NCOR1: variants seen among roughly 807,000 people sequenced by gnomAD.
NCOR1 encodes protein phosphatase 1, regulatory subunit 109.
In NCOR1, 63 loss-of-function variants were observed where a neutral mutation model predicts 288.1. The observed-to-expected ratio is 0.22, with a 90% CI of 0.18 to 0.27. NCOR1 has a LOEUF of 0.27. NCOR1 is among the 10% of genes least tolerant of loss of function. The pLI is 1.00. For missense variants in NCOR1, 2,397 were observed against 3,019.2 expected (o/e 0.79, Z 4.83); for synonymous variants, 1,007 against 1,065.9 (o/e 0.94, Z 1.08).
intron 40 of NCOR1, among the ~76,000 whole-genome samples, chr17:16,055,384 T>C (rs2059798622): frequency 1.3e-5 from 2 of 152,224 alleles, no homozygotes; most frequent in South Asian, 2.1e-4. Flanking sequence ...GGGACATGGA[T>C]GGAGCTGGAG....
At chr17:16,072,279 C>T in intron 28 of NCOR1, 51 bp from the exon 29 acceptor site, 5 of 1,280,036 alleles carry the variant, frequency 3.9e-6, no homozygotes, top group Non-Finnish European at 3.4e-6. Flanking sequence ...TATATGTCAA[C>T]TCACATATAC....
At chr17:16,130,322 G>A (rs2153224393) in intron 14 of NCOR1, among the ~76,000 whole-genome samples, 1 of 152,350 alleles carries the variant, frequency 6.6e-6, no homozygotes, top group African/African-American at 2.4e-5. Context: ...AATCTGTAAA[G>A]AGAAGTGCCA....
intron 18 of NCOR1, among the ~76,000 whole-genome samples, chr17:16,111,773 A>T (rs908470697): frequency 2.6e-5 from 4 of 152,048 alleles, no homozygotes; most frequent in African/African-American, 9.7e-5. Flanking sequence ...CAGTTCCTTA[A>T]ATCTCAATCT....
Position 16,034,287 on chromosome 17 carries a change from A to G in NCOR1, c.7135+478T>C, listed in dbSNP as rs143912106. 3.0e-3 allele frequency among the ~76,000 whole-genome samples: 454 copies of G among 152,224 alleles called. 1 individual carries two copies. The highest frequency in any genetic ancestry group is 0.01 in the African/African-American group (431 of 41,536). ...TTGCATTCTAAAAATGTTTCAGGTT[A>G]TATGTGCATTCAGTTTCTATTCTGG... On this transcript the variant is annotated intron_variant, in intron 45 of 45. Coordinates refer to ENST00000268712, the MANE Select transcript of NCOR1 (RefSeq NM_006311.4).
At chr17:16,096,826 A>G (rs1477296918) in intron 21 of NCOR1, among the ~76,000 whole-genome samples, 1 of 152,212 alleles carries the variant, frequency 6.6e-6, no homozygotes, top group African/African-American at 2.4e-5. Flanking sequence ...AGGTGCTAAA[A>G]TCAAGGGCTG....
At chr17:16,138,084 T>A in intron 13 of NCOR1, 74 bp downstream of exon 13, 1 of 1,229,010 alleles carries the variant, frequency 8.1e-7, no homozygotes, top group Non-Finnish European at 1.2e-6. Context: ...TACTTATATG[T>A]GTCAGAGCAC....
intron 40 of NCOR1, among the ~76,000 whole-genome samples, chr17:16,050,791 A>G (rs1410090674): frequency 6.6e-6 from 1 of 151,892 alleles, no homozygotes; most frequent in Non-Finnish European, 1.5e-5. Flanking sequence ...ATGAAAGATG[A>G]AGAATTTGAT....
chr17:16,132,991 C>T (rs867981972), intron 14 of NCOR1, among the ~76,000 whole-genome samples: 117 of 150,192 alleles, frequency 7.8e-4, no homozygotes, highest in African/African-American at 2.5e-3. Context: ...TTTTTCCAGA[C>T]GGGGTCTTGC....
intron 45 of NCOR1, among the ~76,000 whole-genome samples, chr17:16,033,797 C>G (rs1194955121): frequency 6.6e-6 from 1 of 152,012 alleles, no homozygotes; most frequent in African/African-American, 2.4e-5. Flanking sequence ...AACGTACAGA[C>G]AGATGATGGC....
At chr17:16,130,173 G>A (rs190671831) in intron 14 of NCOR1, among the ~76,000 whole-genome samples, 1 of 152,350 alleles carries the variant, frequency 6.6e-6, no homozygotes, top group East Asian at 1.9e-4. Flanking sequence ...AGGAAGTGCA[G>A]TCAGCAGCAA....
intron 21 of NCOR1, among the ~76,000 whole-genome samples, chr17:16,092,695 A>ATTTTTTT (rs1184440315): frequency 4.0e-4 from 9 of 22,604 alleles, no homozygotes; most frequent in African/African-American, 1.0e-3. Flanking sequence ...ATATATATAT[A>ATTTTTTT]TTTTTTTTTT....
At chr17:16,114,158 A>C (rs1303543156) in intron 18 of NCOR1, among the ~76,000 whole-genome samples, 2 of 149,876 alleles carry the variant, frequency 1.3e-5, no homozygotes, top group African/African-American at 4.9e-5. Flanking sequence ...AAAAAAAAAA[A>C]AAAAAAAAAA....
At chr17:16,212,153 T>A (rs2092188270) in intron 1 of NCOR1, among the ~76,000 whole-genome samples, 1 of 151,784 alleles carries the variant, frequency 6.6e-6, no homozygotes, top group Non-Finnish European at 1.5e-5. Context: ...TAATCCCAGC[T>A]ACTCAGGAGG....
At chr17:16,155,051 C>A (rs903154206) in intron 6 of NCOR1, among the ~76,000 whole-genome samples, 1 of 152,054 alleles carries the variant, frequency 6.6e-6, no homozygotes, top group African/African-American at 2.4e-5. Context: ...TGCAAATCAA[C>A]CCGTCAAAAT....
At chr17:16,112,270 T>C (rs996984262) in intron 18 of NCOR1, among the ~76,000 whole-genome samples, 1 of 152,254 alleles carries the variant, frequency 6.6e-6, no homozygotes, top group Non-Finnish European at 1.5e-5. Context: ...ATCTTGTCAG[T>C]AGACTTTTTC....
At chr17:16,190,726 T>C (rs2088061956) in intron 2 of NCOR1, among the ~76,000 whole-genome samples, 1 of 152,240 alleles carries the variant, frequency 6.6e-6, no homozygotes, top group South Asian at 2.1e-4. Context: ...AACAGTGTAC[T>C]GCAGCTTCCA....
Position 16,136,590 on chromosome 17 carries a change from G to T in NCOR1, c.1509+721C>A, listed in dbSNP as rs576380228. On this transcript the variant is annotated intron_variant, in intron 14 of 45. Coordinates refer to ENST00000268712, the MANE Select transcript of NCOR1 (RefSeq NM_006311.4). ...GGGAGGCCAAGGCAGGTGGATCATG[G>T]AAGTCAGGAGATTGAGACCATCCTG... Among the ~76,000 whole-genome samples the T allele has an allele frequency of 3.3e-5, 5 of 152,202 alleles. No individual in the cohort carries two copies. The East Asian group carries it at 9.7e-4, about 29-fold the overall frequency.
intron 30 of NCOR1, 62 bp downstream of exon 30, chr17:16,071,347 C>T: frequency 6.4e-7 from 1 of 1,557,870 alleles, no homozygotes. Context: ...ATTATTAAGT[C>T]ACACTTTTTT....
intron 2 of NCOR1, among the ~76,000 whole-genome samples, chr17:16,186,951 T>C (rs541233623): frequency 6.6e-6 from 1 of 152,276 alleles, no homozygotes; most frequent in African/African-American, 2.4e-5. Flanking sequence ...TCCCAATCTG[T>C]ATTACTCACA....
Sources: allele counts gnomAD v4.1 joint callset (sites outside exome capture counted in the v4.1 genomes callset), GRCh38; gene constraint gnomAD v4.1.1; transcripts MANE v1.5; gene names NCBI Gene and HGNC (gene_info 2026-07-23, HGNC 2026-07-21).